Variants in HORMAD2 observed in about 807,000 individuals in gnomAD.
The protein encoded by HORMAD2 is HORMA domain-containing protein 2.
Under a neutral mutation model 38.8 loss-of-function variants are expected in HORMAD2, and 45 were observed. The observed-to-expected ratio is 1.16, with a 90% CI of 0.91 to 1.49. The LOEUF is 1.49. Among genes scored for constraint, HORMAD2 ranks in the 40% most tolerant of loss-of-function variants. HORMAD2 has a pLI of 0.00. For missense variants in HORMAD2, 338 were observed against 367.0 expected (o/e 0.92, Z 0.65); for synonymous variants, 126 against 122.8 (o/e 1.03, Z -0.17).
At chr22:30,093,804 G>C in intron 1 of HORMAD2, 112 bp from the exon 2 acceptor site, 1 of 546,598 alleles carries the variant, frequency 1.8e-6, no homozygotes, top group Non-Finnish European at 3.2e-6. Context: ...AACTGTCTTT[G>C]ATTTTAATTT....
intron 7 of HORMAD2, among the ~76,000 whole-genome samples, chr22:30,114,627 C>T (rs959353638): frequency 6.6e-6 from 1 of 152,120 alleles, no homozygotes; most frequent in Admixed American, 6.5e-5. Flanking sequence ...ATTGCACAAA[C>T]AATAACAATG....
chr22:30,088,630 A>G (rs1601499761), intron 1 of HORMAD2, among the ~76,000 whole-genome samples: 1 of 151,680 alleles, frequency 6.6e-6, no homozygotes, highest in South Asian at 2.1e-4. Flanking sequence ...GTAAGTTTTA[A>G]TAAGTAAGTT....
intron 10 of HORMAD2, among the ~76,000 whole-genome samples, chr22:30,170,403 G>A (rs931843063): frequency 6.6e-6 from 1 of 152,078 alleles, no homozygotes; most frequent in African/African-American, 2.4e-5. Context: ...CAACATATCT[G>A]TCTTTTTTCC....
the HORMAD2 span, among the ~76,000 whole-genome samples, chr22:30,203,062 G>A: frequency 6.6e-6 from 1 of 152,190 alleles, no homozygotes; most frequent in Non-Finnish European, 1.5e-5. Flanking sequence ...GGAACCCCCT[G>A]TATGCTTGTT....
intron 10 of HORMAD2, among the ~76,000 whole-genome samples, chr22:30,152,474 G>C (rs1016840808): frequency 1.3e-5 from 2 of 151,730 alleles, no homozygotes; most frequent in African/African-American, 4.8e-5. Flanking sequence ...CTACATTTGT[G>C]TACCACCACG....
chr22:30,084,020 T>C (rs1448640595), intron 1 of HORMAD2, among the ~76,000 whole-genome samples: 4 of 152,216 alleles, frequency 2.6e-5, no homozygotes, highest in Admixed American at 6.5e-5. Flanking sequence ...GCCAGACTTG[T>C]TGAGTTTTAG....
chr22:30,079,434 A>T (rs535437658), upstream of HORMAD2, among the ~76,000 whole-genome samples: 6 of 152,374 alleles, frequency 3.9e-5, no homozygotes, highest in Admixed American at 2.6e-4. Flanking sequence ...CAGGGTAGGG[A>T]TGAAGAGGTT....
At chr22:30,201,175 T>C in the HORMAD2 span, among the ~76,000 whole-genome samples, 1 of 152,176 alleles carries the variant, frequency 6.6e-6, no homozygotes, top group Non-Finnish European at 1.5e-5. Flanking sequence ...CAGTGGTTGC[T>C]GACAATCCTT....
At chr22:30,134,387 T>C (rs1170929809) in intron 10 of HORMAD2, among the ~76,000 whole-genome samples, 1 of 146,768 alleles carries the variant, frequency 6.8e-6, no homozygotes, top group Non-Finnish European at 1.5e-5. Context: ...ATATATATGA[T>C]TATATATATA....
downstream of HORMAD2, among the ~76,000 whole-genome samples, chr22:30,179,676 C>T (rs887688985): frequency 6.6e-6 from 1 of 152,132 alleles, no homozygotes; most frequent in African/African-American, 2.4e-5. Context: ...TAGGTGGTGG[C>T]TCACAGGTAC....
At chr22:30,108,602 AT>A (rs1181014425) in intron 5 of HORMAD2, among the ~76,000 whole-genome samples, 2 of 151,966 alleles carry the variant, frequency 1.3e-5, no homozygotes, top group Non-Finnish European at 2.9e-5. Flanking sequence ...CCTAGCCTAG[AT>A]GGTCCCTTTA....
the HORMAD2 span, among the ~76,000 whole-genome samples, chr22:30,201,434 T>TTC: frequency 2.3e-5 from 3 of 131,018 alleles, no homozygotes; most frequent in East Asian, 2.2e-4. Context: ...TTTTTTTTTT[T>TTC]CCAAGACGGA....
intron 1 of HORMAD2, among the ~76,000 whole-genome samples, chr22:30,092,953 A>T (rs551672894): frequency 9.5e-4 from 145 of 152,232 alleles, no homozygotes; most frequent in Non-Finnish European, 1.9e-3. Context: ...TTTGCTCAGA[A>T]TTACTTTAGC....
rs897759023 is a variant in HORMAD2, at chr22:30,121,807, G to A, written c.568+18G>A. The stretch of plus-strand genomic sequence containing the variant: ...TAATGCAGGTAGGTAGAGAACTTTA[G>A]GCAAATTCCTCCTTAAGTGCTGAGC... On this transcript the variant is annotated intron_variant, in intron 9 of 10. Transcript: ENST00000336726. The A allele has an allele frequency of 4.4e-6, 7 of 1,595,126 alleles. No individual in the cohort carries two copies. The highest frequency in any genetic ancestry group is 6.0e-6 in the Non-Finnish European group (7 of 1,173,418).
chr22:30,139,286 A>ATC (rs1555950255), intron 10 of HORMAD2, among the ~76,000 whole-genome samples: 6 of 130,510 alleles, frequency 4.6e-5, no homozygotes, highest in African/African-American at 1.1e-4. Context: ...ATATATATAT[A>ATC]TCCTCTGTCT....
At chr22:30,144,680 A>G (rs935909129) in intron 10 of HORMAD2, among the ~76,000 whole-genome samples, 10 of 150,296 alleles carry the variant, frequency 6.7e-5, no homozygotes, top group African/African-American at 2.2e-4. Context: ...CCAGCATAGA[A>G]CCACGACCTT....
intron 10 of HORMAD2, among the ~76,000 whole-genome samples, chr22:30,148,026 A>G (rs1396897013): frequency 6.6e-6 from 1 of 152,238 alleles, no homozygotes; most frequent in East Asian, 1.9e-4. Context: ...ACAGTCACAA[A>G]AAGACCTGTA....
At chr22:30,200,408 C>G in the HORMAD2 span, among the ~76,000 whole-genome samples, 433 of 152,056 alleles carry the variant, frequency 2.8e-3, 1 homozygote, top group African/African-American at 0.01. Flanking sequence ...TATCAAGATC[C>G]CACATAGGTT....
At chr22:30,162,658 C>T (rs1925518583) in intron 10 of HORMAD2, among the ~76,000 whole-genome samples, 1 of 150,054 alleles carries the variant, frequency 6.7e-6, no homozygotes, top group African/African-American at 2.5e-5. Context: ...TTAGGCAGTA[C>T]TGTATATAGG....
Sources: gnomAD v4.1 joint callset for allele counts (sites outside exome capture counted in the v4.1 genomes callset) on GRCh38, gnomAD v4.1.1 for gene constraint, MANE v1.5 for transcripts, NCBI Gene and HGNC (gene_info 2026-07-23, HGNC 2026-07-21) for gene names.